The following TCF3 variants were observed in gnomAD, a reference collection of about 807,000 sequenced individuals.
TCF3 encodes transcription factor 3, also known as transcription factor E2-alpha.
A neutral mutation model predicts 72.3 loss-of-function variants in TCF3; 54 were observed. That is an observed-to-expected ratio of 0.75 (90% confidence interval 0.60 to 0.94). The LOEUF (loss-of-function observed/expected upper bound fraction) is 0.94, where lower values mean the gene tolerates loss of function less well. Among genes scored for constraint, TCF3 ranks in the 40% least tolerant of loss-of-function variants. The pLI, the probability that TCF3 is intolerant of heterozygous loss-of-function variation, is 0.00. For synonymous variants in TCF3, 525 were observed against 412.6 expected, an observed-to-expected ratio of 1.27 and a Z score of -3.30; for missense variants, 1,078 against 934.4, an observed-to-expected ratio of 1.15 and a Z score of -2.00.
chr19:1,648,931 G>A (rs1424265683), intron 2 of TCF3, among the ~76,000 whole-genome samples: 2 of 152,094 alleles, frequency 1.3e-5, no homozygotes, highest in Non-Finnish European at 2.9e-5. Context: ...TGTACCAGCA[G>A]GCAAACCGAG....
intron 3 of TCF3, among the ~76,000 whole-genome samples, chr19:1,642,157 C>CACGCACGCGT (rs2065353765): frequency 6.6e-6 from 1 of 151,690 alleles, no homozygotes; most frequent in Non-Finnish European, 1.5e-5. Flanking sequence ...CACACACACA[C>CACGCACGCGT]ACACACACGC....
At chr19:1,627,536 G>C (rs1248859501) in intron 5 of TCF3, 110 bp from the exon 6 acceptor site, 1 of 973,302 alleles carries the variant, frequency 1.0e-6, no homozygotes, top group Admixed American at 2.1e-5. Context: ...GCACACGACT[G>C]AGAGCGCCAC....
Position 1,611,587 on chromosome 19 carries a change from C to G in TCF3, c.*120G>C. On this transcript the variant is annotated 3_prime_UTR_variant, in exon 19 of 19. Coordinates refer to ENST00000262965, the MANE Select transcript of TCF3 (RefSeq NM_003200.5). ...GAACCTTGTCAGGTTGGTGTTGGCT[C>G]GATGCTGACAACAGGTGTGTGAGGT... 1 of 1,383,342 alleles carries G rather than the reference C, an allele frequency of 7.2e-7. No homozygotes were observed. Among genetic ancestry groups the G allele is most frequent in the Non-Finnish European group, 9.7e-7 (1 of 1,033,992 alleles). The allele number at this position is 1,383,342 out of a possible 1,614,324, so 85.7% of individuals were successfully genotyped here. A position where few individuals can be genotyped will look rare whatever the true frequency, so the allele number is the denominator to read the frequency against.
chr19:1,639,107 G>C (rs184317630), intron 3 of TCF3, among the ~76,000 whole-genome samples: 1 of 152,262 alleles, frequency 6.6e-6, no homozygotes, highest in South Asian at 2.1e-4. Context: ...GCGGTGGCGC[G>C]ATCTCAGCTC....
At chr19:1,638,496 G>T (rs1052900222) in intron 3 of TCF3, among the ~76,000 whole-genome samples, 16 of 152,248 alleles carry the variant, frequency 1.1e-4, no homozygotes, top group African/African-American at 3.4e-4. Flanking sequence ...TGTTAACCAG[G>T]ATGGTCTCGA....
intron 8 of TCF3, among the ~76,000 whole-genome samples, chr19:1,622,879 G>A (rs2062418959): frequency 1.3e-5 from 2 of 152,218 alleles, no homozygotes; most frequent in African/African-American, 4.8e-5. Context: ...TCTGTGAGTA[G>A]CGCCAGCTCT....
chr19:1,636,784 C>T (rs746952470), intron 3 of TCF3, among the ~76,000 whole-genome samples: 3 of 152,132 alleles, frequency 2.0e-5, no homozygotes, highest in Non-Finnish European at 4.4e-5. Context: ...TGGGGCACCA[C>T]AGAGCCCTTC....
At chr19:1,645,821 G>A (rs1046327832) in intron 3 of TCF3, among the ~76,000 whole-genome samples, 25 of 152,162 alleles carry the variant, frequency 1.6e-4, no homozygotes, top group Non-Finnish European at 2.8e-4. Flanking sequence ...TCAAAGCCGC[G>A]GGTCCCAGGA....
chr19:1,629,655 C>A (rs1422528383), intron 5 of TCF3, among the ~76,000 whole-genome samples: 1 of 152,188 alleles, frequency 6.6e-6, no homozygotes, highest in African/African-American at 2.4e-5. Context: ...CTGAAGCAGG[C>A]ACCCCGATTA....
At chr19:1,636,849 A>T (rs1374263924) in intron 3 of TCF3, among the ~76,000 whole-genome samples, 1 of 152,092 alleles carries the variant, frequency 6.6e-6, no homozygotes, top group Non-Finnish European at 1.5e-5. Flanking sequence ...TCTGCCTCTA[A>T]TGTCTGGCGA....
chr19:1,644,759 G>C (rs1050419405), intron 3 of TCF3, among the ~76,000 whole-genome samples: 2 of 152,136 alleles, frequency 1.3e-5, no homozygotes, highest in African/African-American at 4.8e-5. Flanking sequence ...CCGTGCCAGG[G>C]CTGAGGGGGT....
At chr19:1,642,359 C>G (rs1226158998) in intron 3 of TCF3, among the ~76,000 whole-genome samples, 2 of 152,184 alleles carry the variant, frequency 1.3e-5, no homozygotes, top group African/African-American at 2.4e-5. Context: ...GGAATCTGAT[C>G]AGGATCTGTG....
At position 1,615,802 on chromosome 19, in the gene TCF3, G is replaced by C; in HGVS notation, c.1470C>G (p.Ala490=). ...GCTTGATCTCGCTGGCGGCCGCCGT[G>C]GCACCTGCTCGCCCTAGCCCTGCAA... is the stretch of plus-strand genomic sequence containing the variant. The part of the protein sequence containing the change: ...DSYSGLGRAG[A]TAAASEIKRE... Residue 490 remains alanine, a synonymous_variant, in exon 17 of 19, where the codon GCC becomes GCG. Transcript: ENST00000262965. This position sits in a 1 kb window ranked among gnomAD's most constrained non-coding sequence, Gnocchi z 7.3. 6.4e-7 allele frequency: 1 copy of C among 1,572,646 alleles called. No homozygotes were observed. The highest frequency in any genetic ancestry group is 8.7e-7 in the Non-Finnish European group (1 of 1,156,012).
At chr19:1,629,651 C>T (rs2063456626) in intron 5 of TCF3, among the ~76,000 whole-genome samples, 1 of 152,204 alleles carries the variant, frequency 6.6e-6, no homozygotes, top group African/African-American at 2.4e-5. Context: ...TTGCCTGAAG[C>T]AGGCACCCCG....
intron 1 of TCF3, chr19:1,651,134 G>C: frequency 4.3e-6 from 1 of 232,126 alleles, no homozygotes; most frequent in Non-Finnish European, 8.5e-6. Flanking sequence ...ATGGGGGATG[G>C]GGGATCCACC....
intron 5 of TCF3, among the ~76,000 whole-genome samples, chr19:1,629,763 G>A (rs1289906912): frequency 1.3e-5 from 2 of 152,216 alleles, no homozygotes; most frequent in Admixed American, 6.5e-5. Context: ...ATCGAGTAAT[G>A]TACATTATTC....
At position 1,632,081 on chromosome 19, in the gene TCF3, G is replaced by A. The variant is rs1041602765; in HGVS notation, c.255C>T (p.His85=). The part of the protein sequence containing the change: ...FSEGTHFTES[H]SSLSSSTFLG... ...GGAATGTGGATGAAGAGAGGCTGCT[G>A]TGCGACTCAGTGAAGTGGGTGCCCT... is the stretch of plus-strand genomic sequence containing the variant. Residue 85 remains histidine, a synonymous_variant, in exon 5 of 19, where the codon CAC becomes CAT. Coordinates refer to ENST00000262965, the MANE Select transcript of TCF3 (RefSeq NM_003200.5). The A allele has an allele frequency of 3.7e-6, 6 of 1,613,292 alleles. No individual in the cohort carries two copies. The highest frequency in any genetic ancestry group is 5.1e-6 in the Non-Finnish European group (6 of 1,179,850).
At chr19:1,630,702 G>A (rs1055788284) in intron 5 of TCF3, among the ~76,000 whole-genome samples, 3 of 151,130 alleles carry the variant, frequency 2.0e-5, no homozygotes, top group African/African-American at 7.4e-5. Context: ...ATCCCAGGAT[G>A]ACTGAGGGAT....
At chr19:1,631,976 G>T (rs1357099662) in intron 5 of TCF3, 62 bp downstream of exon 5, 16 of 1,581,050 alleles carry the variant, frequency 1.0e-5, no homozygotes, top group Non-Finnish European at 1.2e-5. Flanking sequence ...CACTGACCAT[G>T]CCAAGGCCCA....
Sources: allele counts gnomAD v4.1 joint callset (sites outside exome capture counted in the v4.1 genomes callset), GRCh38; gene constraint gnomAD v4.1.1; non-coding constraint Gnocchi (gnomAD v3.1); transcripts MANE v1.5; gene names NCBI Gene and HGNC (gene_info 2026-07-23, HGNC 2026-07-21).